Variants in SPART observed in about 807,000 individuals in gnomAD.
SPART encodes spartin, also known as spastic paraplegia 20 (Troyer syndrome).
Under a neutral mutation model 58.7 loss-of-function variants are expected in SPART, and 35 were observed. The ratio of observed to expected loss-of-function variants is 0.60; its 90% CI spans 0.46 to 0.79. The LOEUF (loss-of-function observed/expected upper bound fraction) is 0.79. Among genes scored for constraint, SPART ranks in the 30% least tolerant of loss-of-function variants. The pLI is 0.00. For missense variants in SPART, 730 were observed against 786.1 expected, an observed-to-expected ratio of 0.93 and a Z score of 0.85; for synonymous variants, 284 against 280.7, an observed-to-expected ratio of 1.01 and a Z score of -0.12.
At chr13:36,317,346 A>G in intron 5 of SPART, among the ~76,000 whole-genome samples, 1 of 151,218 alleles carries the variant, frequency 6.6e-6, no homozygotes, top group African/African-American at 2.4e-5. Context: ...CACTCTTAGC[A>G]GCAAGTCCTG....
At chr13:36,344,391 G>C (rs929071034) in intron 1 of SPART, among the ~76,000 whole-genome samples, 3 of 151,944 alleles carry the variant, frequency 2.0e-5, no homozygotes, top group Admixed American at 1.3e-4. Context: ...CCTGTGTGTA[G>C]GGGTGGAGTG....
In SPART at chr13:36,312,109, A is replaced by T. The variant is rs543984439; in HGVS notation, c.1733+36T>A. On this transcript the variant is annotated intron_variant, in intron 8 of 8. Coordinates refer to ENST00000438666, the MANE Select transcript of SPART (RefSeq NM_015087.5). Reference sequence around the variant, plus strand: ...TCAGAAAAACAACAACAACAACAAAACAGAGATTTAGTCATTAAAATAAAA... The same window carrying T: ...TCAGAAAAACAACAACAACAACAAATCAGAGATTTAGTCATTAAAATAAAA... The T allele has an allele frequency of 1.5e-5, 24 of 1,581,802 alleles. No individual in the cohort carries two copies. In the Admixed American group the frequency reaches 3.2e-4, roughly 21 times the overall value.
chr13:36,327,961 T>A (rs1883101664), intron 4 of SPART, among the ~76,000 whole-genome samples: 1 of 152,114 alleles, frequency 6.6e-6, no homozygotes, highest in Non-Finnish European at 1.5e-5. Context: ...ACCACTGCAC[T>A]CCAGCCTGGG....
upstream of SPART, among the ~76,000 whole-genome samples, chr13:36,348,942 C>T (rs377643595): frequency 2.0e-5 from 3 of 152,310 alleles, no homozygotes; most frequent in African/African-American, 7.2e-5. Context: ...AGTTGGAGGA[C>T]TGACACATTC....
rs998931018 is a variant in SPART at position 36,302,140 on chromosome 13, C to T, written c.*2225G>A. 8 of 152,074 alleles carry T rather than the reference C, an allele frequency of 5.3e-5. No homozygotes were observed. The highest frequency in any genetic ancestry group is 1.2e-4 in the Non-Finnish European group (8 of 67,998). The allele number at this position is 152,074 out of a possible 1,614,324, so 9.4% of individuals were successfully genotyped here. On this transcript the variant is annotated 3_prime_UTR_variant, in exon 9 of 9. Transcript: ENST00000438666. ...GAAAGAGGTAAGAAAATAGGAAGAA[C>T]ATACATATAGGTAATTGGCAGCTTT...
intron 4 of SPART, 115 bp from the exon 5 acceptor site, chr13:36,326,813 A>T: frequency 1.7e-6 from 2 of 1,160,588 alleles, no homozygotes; most frequent in Non-Finnish European, 2.5e-6. Context: ...AATGAAAAAT[A>T]TCTCCAGCCA....
intron 1 of SPART, among the ~76,000 whole-genome samples, chr13:36,368,927 A>G (rs1291710145): frequency 6.6e-6 from 1 of 152,230 alleles, no homozygotes. Context: ...TGAATCCAGG[A>G]GGCGGAGGTT....
chr13:36,331,483 C>A lies in SPART; in HGVS notation c.924G>T (p.Gly308=), dbSNP rs1047051883. The change falls in exon 3 of 9, where the codon GGG becomes GGT. Residue 308 remains glycine, a synonymous_variant. Transcript: ENST00000438666. ...CTGGTAACTCAGAGGACAGGACGAC[C>A]CCCACAAAGCATCCTGCTGCTTGTA... ...TMLQAAGCFV[G]VVLSSELPED... 1.9e-6 allele frequency: 3 copies of A among 1,613,890 alleles called. No homozygotes were observed. Among genetic ancestry groups the A allele is most frequent in the Admixed American group, 1.7e-5 (1 of 59,972 alleles).
intron 1 of SPART, among the ~76,000 whole-genome samples, chr13:36,365,243 T>TG (rs1886010939): frequency 6.6e-6 from 1 of 152,094 alleles, no homozygotes; most frequent in Non-Finnish European, 1.5e-5. Context: ...ATGGTTAAAG[T>TG]AAAAAAAAAT....
chr13:36,325,987 T>C (rs1194181774), intron 5 of SPART: 1 of 152,700 alleles, frequency 6.5e-6, no homozygotes, highest in Non-Finnish European at 1.5e-5. Flanking sequence ...AAGGTGCTGG[T>C]ACATTTGGTC....
intron 1 of SPART, among the ~76,000 whole-genome samples, chr13:36,351,983 A>C (rs1885429816): frequency 6.6e-6 from 1 of 152,186 alleles, no homozygotes; most frequent in African/African-American, 2.4e-5. Context: ...CATGAAGTGA[A>C]CTTAGGTTAT....
rs761054221 is a variant in SPART, at chr13:36,329,429, C to T, written c.1097G>A (p.Gly366Asp). The T allele has an allele frequency of 3.7e-6, 6 of 1,614,028 alleles. No individual in the cohort carries two copies. The South Asian group carries it at 6.6e-5, about 18-fold the overall frequency. ...PSSDQLKEAS[G>D]TDVKQLDQGN... ...TTGGTCCAACTGTTTCACATCAGTG[C>T]CAGAGGCTTCTTTTAGTTGGTCAGA... is the stretch of plus-strand genomic sequence containing the variant. Residue 366 changes from glycine (G) to aspartate (D), a missense_variant, in exon 4 of 9, where the codon GGC (glycine) becomes GAC (aspartate). By Grantham distance (94) the Gly-to-Asp change is moderately conservative (BLOSUM62 -1). Transcript: ENST00000438666.
chr13:36,363,989 CTT>C (rs375755637), intron 1 of SPART, among the ~76,000 whole-genome samples: 5 of 151,994 alleles, frequency 3.3e-5, no homozygotes, highest in African/African-American at 4.8e-5. Context: ...TACATGCACT[CTT>C]TTTTTGGGCT....
At chr13:36,365,173 A>G (rs1364302321) in intron 1 of SPART, among the ~76,000 whole-genome samples, 1 of 152,224 alleles carries the variant, frequency 6.6e-6, no homozygotes, top group Non-Finnish European at 1.5e-5. Context: ...TGCACTCTTT[A>G]TCATTTTATC....
chr13:36,341,315 T>TA (rs1884563450), intron 1 of SPART, among the ~76,000 whole-genome samples: 2 of 152,208 alleles, frequency 1.3e-5, no homozygotes, highest in South Asian at 4.1e-4. Flanking sequence ...CTAATAACAT[T>TA]AAAAAGGTAA....
At chr13:36,313,532 C>T (rs1410161581) in intron 6 of SPART, among the ~76,000 whole-genome samples, 1 of 152,218 alleles carries the variant, frequency 6.6e-6, no homozygotes, top group Non-Finnish European at 1.5e-5. Flanking sequence ...AACTTCCAGT[C>T]CTGCAAGTGA....
chr13:36,341,862 C>T (rs969705818), intron 1 of SPART, among the ~76,000 whole-genome samples: 5 of 152,278 alleles, frequency 3.3e-5, no homozygotes, highest in African/African-American at 7.2e-5. Context: ...TACCCCACAA[C>T]CCCTATCAAT....
At chr13:36,334,983 C>A in intron 2 of SPART, 38 bp downstream of exon 2, 1 of 1,509,620 alleles carries the variant, frequency 6.6e-7, no homozygotes, top group Non-Finnish European at 9.2e-7. Context: ...GTAGTCTACA[C>A]GTATTTCAAA....
chr13:36,356,773 C>G (rs1019254342), intron 1 of SPART, among the ~76,000 whole-genome samples: 1 of 152,302 alleles, frequency 6.6e-6, no homozygotes, highest in Middle Eastern at 3.4e-3. Flanking sequence ...ATATTTGGCT[C>G]AGAATAAATC....
Sources: allele counts gnomAD v4.1 joint callset (sites outside exome capture counted in the v4.1 genomes callset), GRCh38; gene constraint gnomAD v4.1.1; transcripts MANE v1.5; gene names NCBI Gene and HGNC (gene_info 2026-07-23, HGNC 2026-07-21).